The following NRG2 variants were observed in gnomAD, a reference collection of about 807,000 sequenced individuals.
NRG2 encodes the protein pro-neuregulin-2, membrane-bound isoform.
NRG2 carries 27 observed loss-of-function variants against 73.9 expected under a neutral mutation model. That is an observed-to-expected ratio of 0.37 (90% CI 0.27 to 0.50). The LOEUF is 0.50. NRG2 is among the 20% of genes least tolerant of loss of function. The pLI, the probability that NRG2 is intolerant of heterozygous loss-of-function variation, is 0.96. For synonymous variants in NRG2, 532 were observed against 541.0 expected (o/e 0.98, Z 0.23); for missense variants, 1,126 against 1,210.1 (o/e 0.93, Z 1.03).
intron 1 of NRG2, among the ~76,000 whole-genome samples, chr5:140,040,372 C>A (rs916990225): frequency 6.6e-6 from 1 of 152,138 alleles, no homozygotes; most frequent in African/African-American, 2.4e-5. Flanking sequence ...ATGAGATGAT[C>A]ATAACCTAGA....
chr5:139,870,466 C>A lies in NRG2; in HGVS notation c.1112+1255G>T, dbSNP rs1216748110. 6.6e-6 allele frequency among the ~76,000 whole-genome samples: 1 copy of A among 152,162 alleles called. No individual in the cohort carries two copies. The highest frequency in any genetic ancestry group is 1.5e-5 in the Non-Finnish European group (1 of 68,018). On this transcript the variant is annotated intron_variant, in intron 4 of 9. Coordinates refer to ENST00000361474, the MANE Select transcript of NRG2 (RefSeq NM_004883.3). This position sits in a 1 kb window ranked among gnomAD's most constrained non-coding sequence, Gnocchi z 4.4. ...TTGAAAAGTCCTGGCCTTCTCAGAC[C>A]AGGCTCACATTCCCGGGCAAGGGTG...
intron 1 of NRG2, among the ~76,000 whole-genome samples, chr5:140,028,627 G>A (rs555625991): frequency 6.6e-6 from 1 of 152,262 alleles, no homozygotes; most frequent in South Asian, 2.1e-4. Flanking sequence ...TTGGCCAGGG[G>A]GCCAGGGGGA....
chr5:139,871,272 G>C (rs1392763092), intron 4 of NRG2: 1 of 165,802 alleles, frequency 6.0e-6, no homozygotes, highest in African/African-American at 2.4e-5. Flanking sequence ...GCCCTGCCAG[G>C]CTCCTCGCTA....
intron 1 of NRG2, among the ~76,000 whole-genome samples, chr5:139,968,266 G>T (rs1755699844): frequency 6.6e-6 from 1 of 152,192 alleles, no homozygotes; most frequent in African/African-American, 2.4e-5. Flanking sequence ...GTGACAAGCC[G>T]GAGGCAGCTG....
At chr5:139,982,601 G>A (rs1037631079) in intron 1 of NRG2, among the ~76,000 whole-genome samples, 3 of 152,186 alleles carry the variant, frequency 2.0e-5, no homozygotes, top group Non-Finnish European at 2.9e-5. Context: ...AGCAGAGCGC[G>A]TCAGTCCTAG....
chr5:139,929,880 C>A (rs184812628), intron 1 of NRG2, among the ~76,000 whole-genome samples: 1 of 152,126 alleles, frequency 6.6e-6, no homozygotes, highest in African/African-American at 2.4e-5. Context: ...ATATTTCAAT[C>A]GATTCTGACT....
intron 1 of NRG2, among the ~76,000 whole-genome samples, chr5:140,017,228 G>T (rs1002594296): frequency 6.6e-6 from 1 of 152,124 alleles, no homozygotes; most frequent in Non-Finnish European, 1.5e-5. Flanking sequence ...AACACAAAGT[G>T]CAACTTAAGT....
At chr5:139,981,780 C>T (rs1374044201) in intron 1 of NRG2, among the ~76,000 whole-genome samples, 1 of 152,224 alleles carries the variant, frequency 6.6e-6, no homozygotes, top group African/African-American at 2.4e-5. Flanking sequence ...TCTGGCTCTA[C>T]CAGGCTGTGG....
intron 1 of NRG2, among the ~76,000 whole-genome samples, chr5:139,979,405 G>C (rs1042995911): frequency 3.3e-5 from 5 of 152,146 alleles, no homozygotes; most frequent in African/African-American, 1.2e-4. Flanking sequence ...CTAGAGCACA[G>C]AGTTGCTATG....
At chr5:139,862,892 T>C (rs911209791) in intron 5 of NRG2, among the ~76,000 whole-genome samples, 19 of 152,258 alleles carry the variant, frequency 1.2e-4, no homozygotes, top group African/African-American at 4.1e-4. Context: ...AAAGCTTCAA[T>C]GTGCTATTGC....
In NRG2 at chr5:139,853,735, G is replaced by A. The variant is rs539765253; in HGVS notation, c.1293-708C>T. ...TTAAGACCCTTCATTGTGAACTCAC[G>A]GAGATAGAGAGTAGAAGGATGGTTA... is the stretch of plus-strand genomic sequence containing the variant. On this transcript the variant is annotated intron_variant, in intron 6 of 9. Coordinates refer to ENST00000361474, the MANE Select transcript of NRG2 (RefSeq NM_004883.3). This position sits in a 1 kb window ranked among gnomAD's most constrained non-coding sequence, Gnocchi z 4.1. 4.1e-4 allele frequency among the ~76,000 whole-genome samples: 63 copies of A among 152,212 alleles called. 2 individuals carry two copies. In the East Asian group the frequency reaches 9.3e-3, roughly 22 times the overall value.
chr5:139,920,507 A>T (rs989621042), intron 1 of NRG2, among the ~76,000 whole-genome samples: 7 of 147,530 alleles, frequency 4.7e-5, no homozygotes, highest in African/African-American at 1.8e-4. Flanking sequence ...TAAATAATAA[A>T]CCTTGTTTAT....
At chr5:139,883,414 C>G (rs1196387581) in intron 2 of NRG2, among the ~76,000 whole-genome samples, 2 of 146,984 alleles carry the variant, frequency 1.4e-5, no homozygotes, top group Non-Finnish European at 3.0e-5. Context: ...AGGCCCCGTG[C>G]CCAGGATTTG....
chr5:139,874,956 A>G (rs188634213), intron 3 of NRG2, among the ~76,000 whole-genome samples: 26 of 152,326 alleles, frequency 1.7e-4, no homozygotes, highest in Admixed American at 1.2e-3. Flanking sequence ...GCTTAGCTTC[A>G]TATACTTCTA....
At chr5:139,959,827 G>A (rs1032543921) in intron 1 of NRG2, among the ~76,000 whole-genome samples, 4 of 152,158 alleles carry the variant, frequency 2.6e-5, no homozygotes, top group Admixed American at 2.6e-4. Flanking sequence ...TCCCTGTCTT[G>A]GAAGATGAGT....
chr5:139,912,351 C>G (rs993457206), intron 1 of NRG2, among the ~76,000 whole-genome samples: 4 of 152,148 alleles, frequency 2.6e-5, no homozygotes, highest in Non-Finnish European at 4.4e-5. Flanking sequence ...CAGCCTAGCC[C>G]AACCCAGCCC....
At chr5:139,862,909 AG>A (rs1348119936) in intron 5 of NRG2, among the ~76,000 whole-genome samples, 2 of 152,372 alleles carry the variant, frequency 1.3e-5, no homozygotes, top group East Asian at 3.9e-4. Flanking sequence ...TTGCAGTCAC[AG>A]GCTCTTTCTT....
At position 139,904,474 on chromosome 5, in the gene NRG2, G is replaced by A. The variant is rs1020644337; in HGVS notation, c.701-16963C>T. ...TGCGCCCCCGCCGCCTGCAGCCTCA[G>A]TGCCCGAGCGCGGCGCCTTTCTTAT... On this transcript the variant is annotated intron_variant, in intron 1 of 9. Transcript: ENST00000361474. This position sits in a 1 kb window ranked among gnomAD's most constrained non-coding sequence, Gnocchi z 6.0. 2 of 838,548 alleles carry A rather than the reference G, an allele frequency of 2.4e-6. No individual in the cohort carries two copies. Among genetic ancestry groups the A allele is most frequent in the Non-Finnish European group, 3.7e-6 (2 of 544,284 alleles). 51.9% of individuals were successfully genotyped at this position (838,548 alleles called of 1,614,324 possible).
chr5:139,987,264 C>T (rs1757236630), intron 1 of NRG2, among the ~76,000 whole-genome samples: 2 of 148,374 alleles, frequency 1.3e-5, no homozygotes, highest in African/African-American at 5.0e-5. Context: ...CCTGTAGTCC[C>T]TGATGAGGCA....
Sources: allele counts gnomAD v4.1 joint callset (sites outside exome capture counted in the v4.1 genomes callset), GRCh38; gene constraint gnomAD v4.1.1; non-coding constraint Gnocchi (gnomAD v3.1); transcripts MANE v1.5; gene names NCBI Gene and HGNC (gene_info 2026-07-23, HGNC 2026-07-21).